Variants in TP73 observed in about 807,000 individuals in gnomAD.
TP73 encodes tumor protein p73.
A neutral mutation model predicts 62.5 loss-of-function variants in TP73; 25 were observed. The ratio of observed to expected loss-of-function variants is 0.40; its 90% confidence interval spans 0.29 to 0.56. The LOEUF (loss-of-function observed/expected upper bound fraction) is 0.56, where lower values mean the gene tolerates loss of function less well. Ranked by LOEUF, TP73 falls within the 20% of genes least tolerant of loss-of-function variation. TP73 has a pLI of 0.46. For synonymous variants in TP73, 423 were observed against 377.5 expected, an observed-to-expected ratio of 1.12 and a Z score of -1.40; for missense variants, 754 against 913.3, an observed-to-expected ratio of 0.83 and a Z score of 2.25.
Position 3,696,434 on chromosome 1 carries a change from G to T in TP73, c.187-11115G>T, listed in dbSNP as rs1197031822. ...AGGCAGGCTGTGGAGACGACCTCTA[G>T]GGAGTCCTGCACATGGGCACTTACA... On this transcript the variant is annotated intron_variant, in intron 3 of 13. Coordinates refer to ENST00000378295, the MANE Select transcript of TP73 (RefSeq NM_005427.4). This position sits in a 1 kb window ranked among gnomAD's most constrained non-coding sequence, Gnocchi z 4.1. Among the ~76,000 whole-genome samples, 2 of 151,944 alleles carry T rather than the reference G, an allele frequency of 1.3e-5. No individual in the cohort carries two copies. The highest frequency in any genetic ancestry group is 3.9e-4 in the East Asian group (2 of 5,162).
Position 3,733,047 on chromosome 1 carries a change from AAGG to A in TP73, c.1885_1887del (p.Glu629del), listed in dbSNP as rs764080900. 1.9e-6 allele frequency: 3 copies of A among 1,541,806 alleles called. No homozygotes were observed. Among genetic ancestry groups the A allele is most frequent in the African/African-American group, 1.4e-5 (1 of 73,182 alleles). On this transcript the variant is annotated inframe_deletion, in exon 14 of 14. Transcript: ENST00000378295. ...CTGCAAGGCCCGCAAGCAGCCCATC[AAGG>A]AGGAGTTCACGGAGGCCGAGATCCA...
chr1:3,723,600 A>G, intron 6 of TP73, 131 bp downstream of exon 6: 1 of 701,248 alleles, frequency 1.4e-6, no homozygotes, highest in Non-Finnish European at 2.5e-6. Flanking sequence ...GCATCTGTCC[A>G]GGGCTCCCTG....
chr1:3,654,281 G>A lies in TP73; in HGVS notation c.-34+1640G>A, dbSNP rs28584600. ...GGGTGAACGGAAGGCGGACCTGAGCGGGGCTTGTCTATGCGCGGCGGCCAC... is the reference window on the plus strand; with the variant it reads ...GGGTGAACGGAAGGCGGACCTGAGCAGGGCTTGTCTATGCGCGGCGGCCAC... On this transcript the variant is annotated intron_variant, in intron 1 of 13. Coordinates refer to ENST00000378295, the MANE Select transcript of TP73 (RefSeq NM_005427.4). Among the ~76,000 whole-genome samples the A allele has an allele frequency of 4.9e-3, 743 of 152,318 alleles. 7 individuals carry two copies. Among genetic ancestry groups the A allele is most frequent in the African/African-American group, 0.017 (708 of 41,564 alleles).
At chr1:3,729,006 GAC>G (rs1491175945) in intron 9 of TP73, among the ~76,000 whole-genome samples, 1,355 of 103,050 alleles carry the variant, frequency 0.013, 9 homozygotes, top group Non-Finnish European at 0.026. Flanking sequence ...GAGAGAGAGA[GAC>G]AGAGAGACAG....
chr1:3,717,072 G>A (rs1277289788), intron 4 of TP73, among the ~76,000 whole-genome samples: 4 of 152,214 alleles, frequency 2.6e-5, no homozygotes, highest in African/African-American at 4.8e-5. Flanking sequence ...ATTCACCCAC[G>A]CTGGTTAACG....
At chr1:3,720,482 C>T (rs1640981580) in intron 4 of TP73, among the ~76,000 whole-genome samples, 1 of 152,224 alleles carries the variant, frequency 6.6e-6, no homozygotes, top group African/African-American at 2.4e-5. Context: ...GTCCCTCCAG[C>T]CCCCTCACAC....
At chr1:3,707,198 T>C (rs1001024490) in intron 3 of TP73, among the ~76,000 whole-genome samples, 20 of 152,112 alleles carry the variant, frequency 1.3e-4, no homozygotes, top group Non-Finnish European at 2.9e-4. Flanking sequence ...CAGACCCCGA[T>C]GCCGCCCGGA....
Position 3,662,899 on chromosome 1 carries a change from G to A in TP73, c.-34+10258G>A, listed in dbSNP as rs1056085144. On this transcript the variant is annotated intron_variant, in intron 1 of 13. Transcript: ENST00000378295. The surrounding 1 kb of genome is among the most constrained non-coding windows in gnomAD (Gnocchi z 4.4). Reference sequence around the variant, plus strand: ...TGGGGCTGCCTCTTCCAGCAGCTCCGAGCGCTCTCAGAGAAAAACGAAATT... The same window carrying A: ...TGGGGCTGCCTCTTCCAGCAGCTCCAAGCGCTCTCAGAGAAAAACGAAATT... Among the ~76,000 whole-genome samples the A allele has an allele frequency of 1.3e-5, 2 of 152,218 alleles. No homozygotes were observed. The highest frequency in any genetic ancestry group is 2.4e-5 in the African/African-American group (1 of 41,460).
At chr1:3,724,301 C>T (rs1019959478) in intron 6 of TP73, among the ~76,000 whole-genome samples, 32 of 151,974 alleles carry the variant, frequency 2.1e-4, no homozygotes, top group Non-Finnish European at 3.8e-4. Flanking sequence ...CCTCTGCCTT[C>T]CCTGTACCTG....
rs982771276 is a variant in TP73 at position 3,672,168 on chromosome 1, G to T, written c.-33-10165G>T. Reference sequence around the variant, plus strand: ...CAGGGGTGAGGGGTATGTGTAGGGTGGGGACATCTCAGAGTGGAGCATCCC... The same window carrying T: ...CAGGGGTGAGGGGTATGTGTAGGGTTGGGACATCTCAGAGTGGAGCATCCC... On this transcript the variant is annotated intron_variant, in intron 1 of 13. Coordinates refer to ENST00000378295, the MANE Select transcript of TP73 (RefSeq NM_005427.4). The surrounding 1 kb of genome is among the most constrained non-coding windows in gnomAD (Gnocchi z 5.3). 6.6e-6 allele frequency among the ~76,000 whole-genome samples: 1 copy of T among 152,120 alleles called. No homozygotes were observed. The highest frequency in any genetic ancestry group is 1.5e-5 in the Non-Finnish European group (1 of 67,996).
At position 3,663,792 on chromosome 1, in the gene TP73, T is replaced by A. The variant is rs1235987897; in HGVS notation, c.-34+11151T>A. On this transcript the variant is annotated intron_variant, in intron 1 of 13. Transcript: ENST00000378295. This position sits in a 1 kb window ranked among gnomAD's most constrained non-coding sequence, Gnocchi z 4.7. ...CTCTGATCTTCCTTTCTTCTGGGTCTAGGGCACATGAGGGTCTGTGACCTA... is the reference window on the plus strand; with the variant it reads ...CTCTGATCTTCCTTTCTTCTGGGTCAAGGGCACATGAGGGTCTGTGACCTA... Among the ~76,000 whole-genome samples the A allele has an allele frequency of 6.6e-6, 1 of 152,132 alleles. No homozygotes were observed. The highest frequency in any genetic ancestry group is 1.5e-5 in the Non-Finnish European group (1 of 68,018).
intron 3 of TP73, among the ~76,000 whole-genome samples, chr1:3,688,123 G>T (rs1185243461): frequency 6.6e-6 from 1 of 152,126 alleles, no homozygotes; most frequent in East Asian, 1.9e-4. Flanking sequence ...GGTCATGCGT[G>T]GGAGCAGGGA....
At chr1:3,727,480 C>T (rs933886172) in intron 7 of TP73, 148 bp from the exon 8 acceptor site, 69 of 1,207,550 alleles carry the variant, frequency 5.7e-5, no homozygotes, top group Non-Finnish European at 7.6e-5. Context: ...CTCCCTCTAG[C>T]GGGAACACTC....
At chr1:3,706,250 G>C (rs947992112) in intron 3 of TP73, among the ~76,000 whole-genome samples, 1 of 152,150 alleles carries the variant, frequency 6.6e-6, no homozygotes, top group Non-Finnish European at 1.5e-5. Flanking sequence ...AGATCACTGG[G>C]GTCAATCGTT....
intron 6 of TP73, among the ~76,000 whole-genome samples, chr1:3,725,684 A>G (rs111063491): frequency 0.72 from 77,391 of 107,062 alleles, 28,718 homozygotes; most frequent in Non-Finnish European, 0.79. Flanking sequence ...ATAGACTGAT[A>G]TTGTTGAATG....
intron 3 of TP73, among the ~76,000 whole-genome samples, chr1:3,704,997 G>A (rs939789171): frequency 6.6e-6 from 1 of 152,200 alleles, no homozygotes; most frequent in African/African-American, 2.4e-5. Context: ...AATAGCCCAG[G>A]AGCCAGGAGA....
rs771715622 is a variant in TP73, at chr1:3,707,608, C to G, written c.246C>G (p.Ala82=). Residue 82 remains alanine, a synonymous_variant, in exon 4 of 14, where the codon GCC becomes GCG. Transcript: ENST00000378295. ...MDQMSSRAAS[A]SPYTPEHAAS... ...AGATGAGCAGCCGCGCGGCCTCGGC[C>G]AGCCCCTACACCCCAGAGCACGCCG... 7 of 1,612,762 alleles carry G rather than the reference C, an allele frequency of 4.3e-6. No homozygotes were observed. In the Admixed American group the frequency reaches 6.7e-5, roughly 15 times the overall value.
intron 4 of TP73, among the ~76,000 whole-genome samples, chr1:3,721,320 G>A (rs768231651): frequency 6.6e-6 from 1 of 152,222 alleles, no homozygotes; most frequent in Non-Finnish European, 1.5e-5. Context: ...TTAGCTCCTC[G>A]AGTCCCAAGC....
intron 1 of TP73, among the ~76,000 whole-genome samples, chr1:3,677,088 T>A (rs1008890583): frequency 2.0e-5 from 3 of 151,994 alleles, no homozygotes; most frequent in African/African-American, 7.3e-5. Flanking sequence ...TCCAGGGAGC[T>A]TGGGCAGGCT....
Sources: allele counts gnomAD v4.1 joint callset (sites outside exome capture counted in the v4.1 genomes callset), GRCh38; gene constraint gnomAD v4.1.1; non-coding constraint Gnocchi (gnomAD v3.1); transcripts MANE v1.5; gene names NCBI Gene and HGNC (gene_info 2026-07-23, HGNC 2026-07-21).